Variants in DNAH14 observed in about 807,000 individuals in gnomAD.
DNAH14 encodes dynein axonemal heavy chain 14.
In DNAH14, 478 loss-of-function variants were observed where a neutral mutation model predicts 520.9. The observed-to-expected ratio is 0.92, with a 90% CI of 0.85 to 0.99. DNAH14 has a LOEUF of 0.99. Among genes scored for constraint, DNAH14 ranks in the 50% least tolerant of loss-of-function variants. DNAH14 has a pLI of 0.00. For missense variants in DNAH14, 4,831 were observed against 5,234.5 expected (o/e 0.92, Z 2.38); for synonymous variants, 1,581 against 1,757.2 (o/e 0.90, Z 2.51).
chr1:225,100,167 A>G (rs1358582979), intron 22 of DNAH14, among the ~76,000 whole-genome samples: 1 of 152,166 alleles, frequency 6.6e-6, no homozygotes, highest in Non-Finnish European at 1.5e-5. Context: ...AGGAAAATTT[A>G]TACACCAAGG....
Position 225,152,791 on chromosome 1 carries a change from A to C in DNAH14, c.5104A>C (p.Ile1702Leu), listed in dbSNP as rs1244800531. 3 of 1,551,332 alleles carry C rather than the reference A, an allele frequency of 1.9e-6. No homozygotes were observed. The African/African-American group carries it at 4.1e-5, about 21-fold the overall frequency. ...CCATTATCAAATGATTGCTGAAATA[A>C]TATTGTTTTCATTTGGTTTCAAATC... ...VPHYQMIAEI[I>L]LFSFGFKSAN... Residue 1702 changes from isoleucine to leucine, a missense_variant, in exon 33 of 86, where the codon ATA becomes CTA. Physicochemically the swap from Ile to Leu is conservative, Grantham distance 5 (BLOSUM62 2). Coordinates refer to ENST00000682510, the MANE Select transcript of DNAH14 (RefSeq NM_001367479.1).
At chr1:225,368,794 A>G (rs75756458) in intron 77 of DNAH14, among the ~76,000 whole-genome samples, 6,119 of 152,220 alleles carry the variant, frequency 0.04, 168 homozygotes, top group Middle Eastern at 0.068. Context: ...TGTCTTCTAT[A>G]TGTTTCCATT....
chr1:225,395,716 T>C (rs1028341468), intron 84 of DNAH14: 1 of 152,228 alleles, frequency 6.6e-6, no homozygotes. Flanking sequence ...CTGCCTTCTG[T>C]CTTTAGGGTT....
At chr1:224,963,415 A>G (rs2060965211) in intron 4 of DNAH14, among the ~76,000 whole-genome samples, 1 of 152,098 alleles carries the variant, frequency 6.6e-6, no homozygotes, top group Non-Finnish European at 1.5e-5. Flanking sequence ...TTCCACATTT[A>G]TAGCTCTAAT....
intron 17 of DNAH14, among the ~76,000 whole-genome samples, chr1:225,074,278 C>T (rs376006715): frequency 3.1e-4 from 47 of 152,302 alleles, no homozygotes; most frequent in East Asian, 1.7e-3. Context: ...GGATTACAGG[C>T]GTGAGCCACC....
intron 74 of DNAH14, 111 bp downstream of exon 74, chr1:225,358,763 C>A: frequency 8.7e-7 from 1 of 1,145,894 alleles, no homozygotes; most frequent in Non-Finnish European, 1.2e-6. Context: ...AAGGGCGAGA[C>A]CAGGTAGAGG....
intron 7 of DNAH14, among the ~76,000 whole-genome samples, chr1:224,972,712 G>C (rs546248488): frequency 6.6e-6 from 1 of 152,160 alleles, no homozygotes; most frequent in Non-Finnish European, 1.5e-5. Context: ...TGATCCGCCT[G>C]CCTTGGCCTC....
At chr1:225,142,251 A>T (rs1025708032) in intron 28 of DNAH14, among the ~76,000 whole-genome samples, 1 of 152,216 alleles carries the variant, frequency 6.6e-6, no homozygotes, top group East Asian at 1.9e-4. Flanking sequence ...GAAGATTCTA[A>T]TAAGACTCTG....
At chr1:225,182,482 C>T (rs1391906896) in intron 36 of DNAH14, among the ~76,000 whole-genome samples, 1 of 152,090 alleles carries the variant, frequency 6.6e-6, no homozygotes, top group African/African-American at 2.4e-5. Flanking sequence ...AACAACTATC[C>T]ACACAAGAAA....
intron 21 of DNAH14, among the ~76,000 whole-genome samples, chr1:225,096,673 A>G (rs989122147): frequency 2.0e-5 from 3 of 152,204 alleles, no homozygotes; most frequent in African/African-American, 7.2e-5. Context: ...AACAATGTAT[A>G]TAATATGGTT....
chr1:225,024,257 T>C (rs1047578908), intron 11 of DNAH14: 81 of 985,442 alleles, frequency 8.2e-5, no homozygotes, highest in Non-Finnish European at 9.5e-5. Flanking sequence ...TTTAAAGATA[T>C]GTGAGAATTC....
chr1:225,010,567 G>A (rs1373892105), intron 10 of DNAH14, among the ~76,000 whole-genome samples: 1 of 151,976 alleles, frequency 6.6e-6, no homozygotes, highest in Admixed American at 6.6e-5. Context: ...TTTTTTTGTT[G>A]TGTCTCTACC....
At chr1:225,363,311 A>G (rs1022632198) in intron 75 of DNAH14, among the ~76,000 whole-genome samples, 2 of 152,232 alleles carry the variant, frequency 1.3e-5, no homozygotes, top group African/African-American at 4.8e-5. Context: ...TCAAAATAGA[A>G]TAAAAGTTTT....
chr1:225,102,538 C>T (rs556406118), intron 23 of DNAH14, among the ~76,000 whole-genome samples: 18 of 152,292 alleles, frequency 1.2e-4, no homozygotes, highest in Middle Eastern at 6.8e-3. Context: ...TTCTCCACAT[C>T]CTCTCCAGCA....
intron 41 of DNAH14, among the ~76,000 whole-genome samples, chr1:225,221,579 G>A (rs1299013479): frequency 6.6e-6 from 1 of 152,190 alleles, no homozygotes; most frequent in Non-Finnish European, 1.5e-5. Flanking sequence ...TTAGAAAAAT[G>A]CAAATCAAAA....
intron 36 of DNAH14, among the ~76,000 whole-genome samples, chr1:225,184,258 C>T (rs1186051290): frequency 1.3e-5 from 2 of 152,098 alleles, no homozygotes; most frequent in African/African-American, 4.8e-5. Context: ...GCCTTGATTC[C>T]TGGGATGCAA....
At chr1:225,390,513 T>C (rs921654079) in intron 83 of DNAH14, among the ~76,000 whole-genome samples, 1 of 152,086 alleles carries the variant, frequency 6.6e-6, no homozygotes, top group Non-Finnish European at 1.5e-5. Flanking sequence ...AAGCTCTCAA[T>C]AAATATTTGA....
rs2062953913 is a variant in DNAH14 at position 224,990,353 on chromosome 1, T to C, written c.831-12430T>C. 2.0e-5 allele frequency among the ~76,000 whole-genome samples: 3 copies of C among 152,168 alleles called. No homozygotes were observed. The South Asian group carries it at 6.2e-4, about 31-fold the overall frequency. On this transcript the variant is annotated intron_variant, in intron 8 of 85. Transcript: ENST00000682510. ...AAATTTACTCTTAGCACTTTTGAAA[T>C]GTACAGTACACACCATTATTAAGTA...
intron 68 of DNAH14, among the ~76,000 whole-genome samples, chr1:225,340,223 C>T (rs1384666787): frequency 1.3e-5 from 2 of 152,004 alleles, no homozygotes; most frequent in Non-Finnish European, 2.9e-5. Flanking sequence ...TGTACTCCAT[C>T]CTTATGTGTA....
Sources: allele counts gnomAD v4.1 joint callset (sites outside exome capture counted in the v4.1 genomes callset), GRCh38; gene constraint gnomAD v4.1.1; transcripts MANE v1.5; gene names NCBI Gene and HGNC (gene_info 2026-07-23, HGNC 2026-07-21).